Variants in CTNNA2 observed in about 807,000 individuals in gnomAD.
CTNNA2 encodes catenin alpha 2.
A neutral mutation model predicts 101.0 loss-of-function variants in CTNNA2; 42 were observed. The ratio of observed to expected loss-of-function variants is 0.42; its 90% CI spans 0.32 to 0.54. The LOEUF (loss-of-function observed/expected upper bound fraction) is 0.54, where lower values mean the gene tolerates loss of function less well. Among genes scored for constraint, CTNNA2 ranks in the 20% least tolerant of loss-of-function variants. The pLI is 0.14. For missense variants in CTNNA2, 871 were observed against 1,223.1 expected (o/e 0.71, Z 4.29); for synonymous variants, 450 against 456.4 (o/e 0.99, Z 0.18).
At chr2:80,403,822 A>T (rs1217568537) in intron 8 of CTNNA2, among the ~76,000 whole-genome samples, 1 of 152,066 alleles carries the variant, frequency 6.6e-6, no homozygotes, top group African/African-American at 2.4e-5. Flanking sequence ...ACATGAAGGG[A>T]TGTTGAATTT....
chr2:79,614,098 A>G (rs1034172890), intron 1 of CTNNA2, among the ~76,000 whole-genome samples: 3 of 152,178 alleles, frequency 2.0e-5, no homozygotes, highest in Non-Finnish European at 4.4e-5. Flanking sequence ...TCAAATTGAG[A>G]TATTCTTTTT....
intron 6 of CTNNA2, among the ~76,000 whole-genome samples, chr2:79,897,635 A>T (rs2104257869): frequency 6.6e-6 from 1 of 152,314 alleles, no homozygotes; most frequent in East Asian, 1.9e-4. Flanking sequence ...ACTCAGCTAG[A>T]AAGAATTACA....
intron 9 of CTNNA2, among the ~76,000 whole-genome samples, chr2:80,486,169 T>C (rs949790679): frequency 1.3e-5 from 2 of 152,204 alleles, no homozygotes; most frequent in Non-Finnish European, 1.5e-5. Flanking sequence ...TGGAATTCAA[T>C]TGCAGTTGAT....
chr2:79,642,205 A>C (rs974169794), intron 1 of CTNNA2, among the ~76,000 whole-genome samples: 1 of 152,228 alleles, frequency 6.6e-6, no homozygotes, highest in Non-Finnish European at 1.5e-5. Flanking sequence ...ATTTTTGTTC[A>C]GCAGCACTTC....
intron 7 of CTNNA2, among the ~76,000 whole-genome samples, chr2:79,920,508 C>A (rs926658552): frequency 3.3e-5 from 5 of 152,114 alleles, no homozygotes; most frequent in African/African-American, 9.7e-5. Context: ...ATTTTTTGAA[C>A]AAATAAATGA....
intron 7 of CTNNA2, among the ~76,000 whole-genome samples, chr2:80,009,253 C>T (rs1693596397): frequency 6.6e-6 from 1 of 152,182 alleles, no homozygotes; most frequent in Admixed American, 6.6e-5. Context: ...TCCAGCTCTG[C>T]ATCTGGGCCT....
chr2:80,519,322 C>A (rs565768927), intron 9 of CTNNA2, among the ~76,000 whole-genome samples: 1 of 152,086 alleles, frequency 6.6e-6, no homozygotes, highest in Admixed American at 6.5e-5. Flanking sequence ...AACACAGAAA[C>A]GCATTGCCAA....
chr2:79,773,604 G>T (rs1673747482), intron 3 of CTNNA2, among the ~76,000 whole-genome samples: 2 of 152,116 alleles, frequency 1.3e-5, no homozygotes, highest in South Asian at 4.2e-4. Context: ...AAGCAGGTTT[G>T]CCCTGAGCAG....
chr2:79,425,734 G>A (rs1045523315), intron 4 of CTNNA2, among the ~76,000 whole-genome samples: 1 of 152,240 alleles, frequency 6.6e-6, no homozygotes, highest in South Asian at 2.1e-4. Context: ...GCTCTTATAC[G>A]AAAGGATTTG....
intron 7 of CTNNA2, among the ~76,000 whole-genome samples, chr2:80,131,919 A>G (rs987802634): frequency 6.6e-6 from 1 of 152,020 alleles, no homozygotes; most frequent in Non-Finnish European, 1.5e-5. Context: ...CATCTCTACT[A>G]AAAATACAAA....
At chr2:79,909,843 T>C in intron 7 of CTNNA2, 46 bp downstream of exon 7, 1 of 1,526,938 alleles carries the variant, frequency 6.5e-7, no homozygotes, top group South Asian at 1.2e-5. Context: ...GATTCTGTTC[T>C]GCAATCGTGT....
At chr2:80,186,423 A>T (rs1706131378) in intron 7 of CTNNA2, among the ~76,000 whole-genome samples, 1 of 152,176 alleles carries the variant, frequency 6.6e-6, no homozygotes, top group South Asian at 2.1e-4. Context: ...GCATGTCTGC[A>T]TGTCCCTCCC....
At position 79,858,065 on chromosome 2, in the gene CTNNA2, G is replaced by A. The variant is rs201020471; in HGVS notation, c.351G>A (p.Ser117=). ...AGTTTGCAGATGACCCTTGCTCGTC[G>A]GTAAAGCGCGGCACCATGGTACGGG... ...SSEFADDPCS[S]VKRGTMVRAA... is the part of the protein sequence containing the mutation. Residue 117 remains serine, a synonymous_variant, in exon 4 of 19, where the codon TCG becomes TCA. Transcript: ENST00000402739. 3.7e-5 allele frequency: 60 copies of A among 1,613,934 alleles called. No homozygotes were observed. The highest frequency in any genetic ancestry group is 5.0e-5 in the Non-Finnish European group (59 of 1,179,960).
intron 7 of CTNNA2, among the ~76,000 whole-genome samples, chr2:80,097,490 T>G (rs1013943191): frequency 2.0e-5 from 3 of 152,112 alleles, no homozygotes; most frequent in African/African-American, 7.2e-5. Flanking sequence ...TGTCTTGGAG[T>G]TGCTCTTCTC....
intron 3 of CTNNA2, among the ~76,000 whole-genome samples, chr2:79,768,379 C>A (rs562415730): frequency 1.3e-5 from 2 of 150,686 alleles, no homozygotes; most frequent in Non-Finnish European, 3.0e-5. Flanking sequence ...TCAGTGATAC[C>A]GTGTTAAAAC....
At chr2:79,904,571 A>T (rs1445010420) in intron 6 of CTNNA2, among the ~76,000 whole-genome samples, 1 of 152,196 alleles carries the variant, frequency 6.6e-6, no homozygotes, top group African/African-American at 2.4e-5. Context: ...AAATCAAAAG[A>T]CCTGTGCTCA....
intron 4 of CTNNA2, among the ~76,000 whole-genome samples, chr2:79,432,179 A>C (rs548607641): frequency 2.0e-5 from 3 of 152,304 alleles, no homozygotes; most frequent in South Asian, 4.1e-4. Flanking sequence ...AAAAGCTCCA[A>C]AGATGGCTTA....
intron 7 of CTNNA2, among the ~76,000 whole-genome samples, chr2:80,324,806 C>A (rs187716266): frequency 6.6e-6 from 1 of 152,084 alleles, no homozygotes; most frequent in African/African-American, 2.4e-5. Context: ...CTCCCCCATG[C>A]GGGATCTGTT....
intron 2 of CTNNA2, among the ~76,000 whole-genome samples, chr2:79,708,450 T>C (rs981372531): frequency 6.6e-6 from 1 of 152,226 alleles, no homozygotes. Flanking sequence ...ATCTGTGTTC[T>C]GGTTTCTCAG....
Sources: gnomAD v4.1 joint callset for allele counts (sites outside exome capture counted in the v4.1 genomes callset) on GRCh38, gnomAD v4.1.1 for gene constraint, MANE v1.5 for transcripts, NCBI Gene and HGNC (gene_info 2026-07-23, HGNC 2026-07-21) for gene names.